JMJD1C: variants seen among roughly 807,000 people sequenced by gnomAD.
JMJD1C encodes jumonji domain containing 1C.
In JMJD1C, 31 loss-of-function variants were observed where a neutral mutation model predicts 245.3. The observed-to-expected ratio is 0.13, with a 90% CI of 0.09 to 0.17. JMJD1C has a LOEUF of 0.17. Ranked by LOEUF, JMJD1C falls within the 10% of genes least tolerant of loss-of-function variation. The pLI, the probability that JMJD1C is intolerant of heterozygous loss-of-function variation, is 1.00. For synonymous variants in JMJD1C, 1,057 were observed against 1,017.4 expected, an observed-to-expected ratio of 1.04 and a Z score of -0.74; for missense variants, 2,691 against 3,000.2, an observed-to-expected ratio of 0.90 and a Z score of 2.41.
intron 3 of JMJD1C, among the ~76,000 whole-genome samples, chr10:63,223,564 A>G (rs1848889157): frequency 1.3e-5 from 2 of 152,256 alleles, no homozygotes; most frequent in South Asian, 4.1e-4. Flanking sequence ...AACACCGTGC[A>G]GACAAGTACA....
At chr10:63,267,892 C>A (rs1855796390) in intron 2 of JMJD1C, among the ~76,000 whole-genome samples, 1 of 152,022 alleles carries the variant, frequency 6.6e-6, no homozygotes, top group African/African-American at 2.4e-5. Context: ...CTGTTTGGGG[C>A]TCCATGCTGC....
Position 63,208,382 on chromosome 10 carries a change from G to A in JMJD1C, c.3287C>T (p.Thr1096Ile). 6 of 1,613,382 alleles carry A rather than the reference G, an allele frequency of 3.7e-6. No individual in the cohort carries two copies. Among genetic ancestry groups the A allele is most frequent in the Non-Finnish European group, 5.1e-6 (6 of 1,179,344 alleles). The change falls in exon 10 of 26, where the codon ACA becomes ATA. Residue 1096 changes from threonine to isoleucine, a missense_variant. This residue lies in a region of JMJD1C where 1,562 missense variants were observed against 1,490.7 expected (regional missense o/e 1.05). Coordinates refer to ENST00000399262, the MANE Select transcript of JMJD1C (RefSeq NM_032776.3). ...QSLPQSNYFTTLSNSVVNEPP... is the reference protein window; with the variant it reads ...QSLPQSNYFTILSNSVVNEPP... Reference sequence around the variant, plus strand: ...TTCATTGACCACACTATTAGACAATGTAGTGAAATAGTTACTTTGGGGTAA... The same window carrying A: ...TTCATTGACCACACTATTAGACAATATAGTGAAATAGTTACTTTGGGGTAA...
At chr10:63,275,243 A>G (rs1320846148) in intron 2 of JMJD1C, among the ~76,000 whole-genome samples, 4 of 152,174 alleles carry the variant, frequency 2.6e-5, no homozygotes, top group Non-Finnish European at 5.9e-5. Context: ...GTGTGAAAGC[A>G]TTGTATTTAT....
intron 1 of JMJD1C, among the ~76,000 whole-genome samples, chr10:63,434,312 G>A (rs147561355): frequency 0.016 from 2,471 of 152,242 alleles, 31 homozygotes; most frequent in Non-Finnish European, 0.023. Flanking sequence ...TGCAACATAC[G>A]TTACAAACGG....
chr10:63,192,927 A>G lies in JMJD1C; in HGVS notation c.6076+11T>C. On this transcript the variant is annotated intron_variant, in intron 16 of 25. Coordinates refer to ENST00000399262, the MANE Select transcript of JMJD1C (RefSeq NM_032776.3). ...CCTCTCACACATGCCTAGATAATCA[A>G]TTATGTTTACCTTTTTTTTCCTCTC... The G allele has an allele frequency of 6.3e-7, 1 of 1,597,358 alleles. No individual in the cohort carries two copies. Among genetic ancestry groups the G allele is most frequent in the African/African-American group, 1.3e-5 (1 of 74,666 alleles).
upstream of JMJD1C, among the ~76,000 whole-genome samples, chr10:63,470,004 C>G (rs1953439668): frequency 6.6e-6 from 1 of 152,082 alleles, no homozygotes; most frequent in Non-Finnish European, 1.5e-5. Flanking sequence ...GATAAATTAA[C>G]TCAAATATCA....
intron 1 of JMJD1C, among the ~76,000 whole-genome samples, chr10:63,433,185 G>C (rs567804234): frequency 2.6e-5 from 4 of 151,284 alleles, no homozygotes; most frequent in Admixed American, 6.6e-5. Flanking sequence ...TCTGCCTCCC[G>C]ACCCCAGTTC....
At chr10:63,218,450 T>C (rs1270489492) in intron 4 of JMJD1C, among the ~76,000 whole-genome samples, 1 of 152,114 alleles carries the variant, frequency 6.6e-6, no homozygotes, top group Non-Finnish European at 1.5e-5. Context: ...AGTAGCCATA[T>C]CCATTATATG....
chr10:63,504,704 A>G (rs150559903), intron 1 of JMJD1C, among the ~76,000 whole-genome samples: 102 of 152,286 alleles, frequency 6.7e-4, no homozygotes, highest in African/African-American at 2.3e-3. Flanking sequence ...TGCACTAAAA[A>G]GGCCACTCTG....
intron 3 of JMJD1C, among the ~76,000 whole-genome samples, chr10:63,250,953 G>A (rs1334324475): frequency 6.6e-6 from 1 of 151,992 alleles, no homozygotes; most frequent in Admixed American, 6.6e-5. Context: ...ATGTTGCCCA[G>A]GCTAATATCA....
chr10:63,243,103 T>TTATA (rs10607355), intron 3 of JMJD1C, among the ~76,000 whole-genome samples: 10,128 of 119,958 alleles, frequency 0.084, 730 homozygotes, highest in South Asian at 0.11. Context: ...CTAACATAAA[T>TTATA]TATATATATA....
intron 2 of JMJD1C, among the ~76,000 whole-genome samples, chr10:63,316,469 A>G (rs1417823204): frequency 1.3e-5 from 2 of 152,040 alleles, no homozygotes; most frequent in African/African-American, 4.8e-5. Flanking sequence ...ATACTTTCTG[A>G]GACAGAGTTT....
chr10:63,353,468 A>T (rs1345563126), intron 2 of JMJD1C, among the ~76,000 whole-genome samples: 1 of 152,200 alleles, frequency 6.6e-6, no homozygotes, highest in Admixed American at 6.5e-5. Flanking sequence ...TTGGAAATAT[A>T]TTCACAATAA....
Position 63,280,318 on chromosome 10 carries a change from G to A in JMJD1C, c.334-15554C>T, listed in dbSNP as rs117600971. Among the ~76,000 whole-genome samples, 88 of 152,158 alleles carry A rather than the reference G, an allele frequency of 5.8e-4. 6 individuals are homozygous for A. In the East Asian group the frequency reaches 0.016, roughly 27 times the overall value. The stretch of plus-strand genomic sequence containing the variant: ...TAATCCCAGCACTCTGGGAGACTGC[G>A]GTGGACGGATCACAAGGTCAAGAGA... On this transcript the variant is annotated intron_variant, in intron 2 of 25. Coordinates refer to ENST00000399262, the MANE Select transcript of JMJD1C (RefSeq NM_032776.3).
At chr10:63,358,847 A>G (rs1463992164) in intron 2 of JMJD1C, 1 of 153,372 alleles carries the variant, frequency 6.5e-6, no homozygotes, top group Non-Finnish European at 1.5e-5. Context: ...GTTCTACAAC[A>G]TACATTCACA....
At chr10:63,184,022 G>C (rs1843799414) in intron 21 of JMJD1C, among the ~76,000 whole-genome samples, 1 of 144,936 alleles carries the variant, frequency 6.9e-6, no homozygotes, top group South Asian at 2.3e-4. Context: ...CCACCTCCCG[G>C]GTTCAAGCAA....
In JMJD1C at chr10:63,209,202, G is replaced by T; in HGVS notation, c.2728C>A (p.Pro910Thr). ...SPSPWLHQPT[P>T]VTSADGIGLL... Reference sequence around the variant, plus strand: ...CCAATACCATCTGCTGAGGTCACAGGGGTGGGCTGATGTAGCCAAGGACTG... The same window carrying T: ...CCAATACCATCTGCTGAGGTCACAGTGGTGGGCTGATGTAGCCAAGGACTG... Residue 910 changes from proline to threonine, a missense_variant, in exon 9 of 26, where the codon CCT becomes ACT. By Grantham distance (38) the Pro-to-Thr change is conservative. This residue lies in a region of JMJD1C where 1,562 missense variants were observed against 1,490.7 expected (regional missense o/e 1.05). Coordinates refer to ENST00000399262, the MANE Select transcript of JMJD1C (RefSeq NM_032776.3). 6.2e-7 allele frequency: 1 copy of T among 1,613,052 alleles called. No homozygotes were observed. The highest frequency in any genetic ancestry group is 8.5e-7 in the Non-Finnish European group (1 of 1,179,494).
chr10:63,180,770 T>G (rs1246896524), intron 22 of JMJD1C, among the ~76,000 whole-genome samples: 1 of 13,816 alleles, frequency 7.2e-5, no homozygotes, highest in Admixed American at 5.0e-4. Context: ...GCACAGCTAA[T>G]TTTTTTTTTT....
At chr10:63,278,936 C>G (rs1446813541) in intron 2 of JMJD1C, among the ~76,000 whole-genome samples, 1 of 151,892 alleles carries the variant, frequency 6.6e-6, no homozygotes, top group Non-Finnish European at 1.5e-5. Flanking sequence ...AAAGCTATCT[C>G]TATTTTCAAA....
Sources: gnomAD v4.1 joint callset for allele counts (sites outside exome capture counted in the v4.1 genomes callset) on GRCh38, gnomAD v4.1.1 for gene constraint, gnomAD v4.1.1 regional missense constraint, MANE v1.5 for transcripts, NCBI Gene and HGNC (gene_info 2026-07-23, HGNC 2026-07-21) for gene names.